Variants in DLGAP1 observed in about 807,000 individuals in gnomAD.
DLGAP1 encodes the protein DLG associated protein 1.
In DLGAP1, 11 loss-of-function variants were observed where a neutral mutation model predicts 90.8. The observed-to-expected ratio is 0.12, with a 90% CI of 0.08 to 0.20. The LOEUF (loss-of-function observed/expected upper bound fraction) is 0.20, where lower values mean the gene tolerates loss of function less well. Among genes scored for constraint, DLGAP1 ranks in the 10% least tolerant of loss-of-function variants. DLGAP1 has a pLI of 1.00. For synonymous variants in DLGAP1, 558 were observed against 540.7 expected (o/e 1.03, Z -0.44); for missense variants, 1,050 against 1,333.8 (o/e 0.79, Z 3.31).
intron 7 of DLGAP1, among the ~76,000 whole-genome samples, chr18:3,637,574 CAAAAA>C (rs35620201): frequency 9.5e-5 from 9 of 94,944 alleles, no homozygotes; most frequent in Admixed American, 1.2e-4. Flanking sequence ...TCTCCCCCAC[CAAAAA>C]AAAAAAAAAA....
chr18:3,544,637 T>G (rs2054656455), intron 9 of DLGAP1, among the ~76,000 whole-genome samples: 1 of 152,100 alleles, frequency 6.6e-6, no homozygotes, highest in African/African-American at 2.4e-5. Flanking sequence ...GAAAATTTAT[T>G]GAAACTTGTT....
chr18:3,790,528 C>T (rs554910542), intron 5 of DLGAP1, among the ~76,000 whole-genome samples: 8 of 152,206 alleles, frequency 5.3e-5, no homozygotes, highest in African/African-American at 1.9e-4. Flanking sequence ...CTTGGCCTCC[C>T]AAGTGCTAGG....
chr18:3,980,872 C>T (rs575661287), intron 3 of DLGAP1, among the ~76,000 whole-genome samples: 1 of 152,154 alleles, frequency 6.6e-6, no homozygotes, highest in African/African-American at 2.4e-5. Context: ...TATAGATTTG[C>T]CATTTATTTG....
chr18:3,659,291 A>G (rs1375489958), intron 7 of DLGAP1, among the ~76,000 whole-genome samples: 1 of 152,128 alleles, frequency 6.6e-6, no homozygotes, highest in Non-Finnish European at 1.5e-5. Context: ...AAAAAGCTAC[A>G]CATAGCACTG....
At chr18:4,195,625 C>T (rs1432982985) in intron 1 of DLGAP1, among the ~76,000 whole-genome samples, 1 of 152,072 alleles carries the variant, frequency 6.6e-6, no homozygotes, top group Admixed American at 6.5e-5. Context: ...GATCTCAGCT[C>T]ACAGCAACCT....
intron 4 of DLGAP1, among the ~76,000 whole-genome samples, chr18:3,859,522 C>T (rs1182293426): frequency 3.3e-5 from 5 of 152,086 alleles, no homozygotes; most frequent in Admixed American, 6.6e-5. Flanking sequence ...GGGAGATTGT[C>T]GTGCATTATC....
chr18:4,234,103 ATT>A (rs200080373), intron 1 of DLGAP1, among the ~76,000 whole-genome samples: 17 of 138,672 alleles, frequency 1.2e-4, no homozygotes, highest in Non-Finnish European at 1.1e-4. Context: ...CTTTTTTGCT[ATT>A]TTTTTTTTTT....
intron 3 of DLGAP1, among the ~76,000 whole-genome samples, chr18:3,990,507 T>G (rs1180914298): frequency 7.2e-6 from 1 of 139,246 alleles, no homozygotes; most frequent in African/African-American, 2.6e-5. Flanking sequence ...GGGGGAGGGA[T>G]AGCATTAGGA....
intron 9 of DLGAP1, among the ~76,000 whole-genome samples, chr18:3,561,266 C>CAAAAAAAAAAAAAAAAA (rs71159092): frequency 9.1e-6 from 1 of 110,470 alleles, no homozygotes; most frequent in African/African-American, 3.4e-5. Flanking sequence ...AAAAAAAAAA[C>CAAAAAAAAAAAAAAAAA]AAAAAAAAAA....
Position 3,600,855 on chromosome 18 carries a change from GAT to G in DLGAP1, c.1592-18609_1592-18608del, listed in dbSNP as rs1174024467. 2.5e-3 allele frequency among the ~76,000 whole-genome samples: 78 copies of G among 31,282 alleles called. 4 individuals are homozygous for G. Among genetic ancestry groups the G allele is most frequent in the African/African-American group, 4.4e-3 (28 of 6,352 alleles). 20.5% of individuals were successfully genotyped at this position (31,282 alleles called of 152,430 possible). On this transcript the variant is annotated intron_variant, in intron 7 of 12. Transcript: ENST00000315677. ...ATATATAGATATATATAGATATATA[GAT>G]ATATATAGATATATAGATATATAGA...
chr18:3,592,828 A>G (rs2056327109), intron 7 of DLGAP1, among the ~76,000 whole-genome samples: 1 of 130,414 alleles, frequency 7.7e-6, no homozygotes, highest in Non-Finnish European at 1.6e-5. Context: ...TAGGTGACAG[A>G]GCAAGACCCT....
intron 4 of DLGAP1, chr18:3,845,481 C>G (rs1698439621): frequency 1.5e-6 from 2 of 1,295,432 alleles, no homozygotes; most frequent in African/African-American, 3.0e-5. Context: ...GAAATAAAAC[C>G]CTATAGCTGA....
At chr18:3,643,490 C>T (rs1003394330) in intron 7 of DLGAP1, among the ~76,000 whole-genome samples, 6 of 151,748 alleles carry the variant, frequency 4.0e-5, no homozygotes, top group South Asian at 2.1e-4. Flanking sequence ...GGTGAAACCT[C>T]GTCTCTACTA....
At chr18:3,726,229 T>C (rs1387204921) in intron 7 of DLGAP1, among the ~76,000 whole-genome samples, 1 of 152,168 alleles carries the variant, frequency 6.6e-6, no homozygotes, top group African/African-American at 2.4e-5. Flanking sequence ...CCCGTGCATG[T>C]GGGGAAATCA....
chr18:3,703,512 T>TG (rs1307952501), intron 7 of DLGAP1, among the ~76,000 whole-genome samples: 9 of 152,230 alleles, frequency 5.9e-5, no homozygotes, highest in Admixed American at 1.3e-4. Flanking sequence ...CCCTGATCTC[T>TG]GTAGAAGGAG....
chr18:4,286,710 A>G (rs2079702481), intron 1 of DLGAP1, among the ~76,000 whole-genome samples: 1 of 152,184 alleles, frequency 6.6e-6, no homozygotes, highest in African/African-American at 2.4e-5. Flanking sequence ...GCCAAGGAAC[A>G]AGAGAGGCAG....
At position 4,238,054 on chromosome 18, in the gene DLGAP1, C is replaced by T. The variant is rs530667033; in HGVS notation, c.-266-86767G>A. Among the ~76,000 whole-genome samples, 10 of 152,212 alleles carry T rather than the reference C, an allele frequency of 6.6e-5. 1 individual carries two copies. The South Asian group carries it at 2.1e-3, about 32-fold the overall frequency. ...ATCCATAATGCTCCAGTAAGCATTTCTTTTAAGCATCCTGTTGGTGCCCAA... is the reference window on the plus strand; with the variant it reads ...ATCCATAATGCTCCAGTAAGCATTTTTTTTAAGCATCCTGTTGGTGCCCAA... On this transcript the variant is annotated intron_variant, in intron 1 of 12. Coordinates refer to ENST00000315677, the MANE Select transcript of DLGAP1 (RefSeq NM_004746.4).
In DLGAP1 at chr18:3,683,663, T is replaced by C. The variant is rs1383398196; in HGVS notation, c.1591+45472A>G. 2.0e-5 allele frequency among the ~76,000 whole-genome samples: 3 copies of C among 152,106 alleles called. No homozygotes were observed. In the East Asian group the frequency reaches 5.8e-4, roughly 29 times the overall value. ...ATGAGGCTCAGACAAAGGATTATCA[T>C]CATAGAGAGGAAATGAGGCATTAAG... is the stretch of plus-strand genomic sequence containing the variant. On this transcript the variant is annotated intron_variant, in intron 7 of 12. Coordinates refer to ENST00000315677, the MANE Select transcript of DLGAP1 (RefSeq NM_004746.4).
intron 5 of DLGAP1, among the ~76,000 whole-genome samples, chr18:3,808,947 C>G (rs554637743): frequency 9.9e-5 from 15 of 152,204 alleles, no homozygotes. Context: ...TACCTCTTCT[C>G]AAATTATTTT....
Sources: gnomAD v4.1 joint callset for allele counts (sites outside exome capture counted in the v4.1 genomes callset) on GRCh38, gnomAD v4.1.1 for gene constraint, MANE v1.5 for transcripts, NCBI Gene and HGNC (gene_info 2026-07-23, HGNC 2026-07-21) for gene names.